The following JAGN1 variants were observed in gnomAD, a reference collection of about 807,000 sequenced individuals.
The protein encoded by JAGN1 is protein jagunal homolog 1.
In JAGN1, 13 loss-of-function variants were observed where a neutral mutation model predicts 17.1. The observed-to-expected ratio is 0.76, with a 90% confidence interval of 0.49 to 1.21. The LOEUF is 1.21. Among genes scored for constraint, JAGN1 ranks in the 50% most tolerant of loss-of-function variants. JAGN1 has a pLI of 0.00. For missense variants in JAGN1, 256 were observed against 234.2 expected, an observed-to-expected ratio of 1.09 and a Z score of -0.61; for synonymous variants, 111 against 91.0, an observed-to-expected ratio of 1.22 and a Z score of -1.25.
At chr3:9,890,910 GCCAGC>G in intron 1 of JAGN1, 99 bp downstream of exon 1, 1 of 1,030,940 alleles carries the variant, frequency 9.7e-7, no homozygotes, top group Non-Finnish European at 1.4e-6. Context: ...TTGCTCCCCA[GCCAGC>G]CCCCGCTCAC....
chr3:9,892,345 T>TG (rs1375374161), intron 1 of JAGN1, among the ~76,000 whole-genome samples: 3 of 145,664 alleles, frequency 2.1e-5, no homozygotes, highest in Non-Finnish European at 3.0e-5. Flanking sequence ...ATTGTTGTTG[T>TG]TTTTTTTTTT....
chr3:9,891,679 A>G (rs1259056146), intron 1 of JAGN1, among the ~76,000 whole-genome samples: 4 of 152,168 alleles, frequency 2.6e-5, no homozygotes, highest in East Asian at 1.9e-4. Context: ...GTTTTAAAGA[A>G]TGACAAGCTC....
chr3:9,893,646 C>G lies in JAGN1; in HGVS notation c.*269C>G. ...GAGGTTTTTCTTTAAGAATGAGCTT[C>G]GTCCTTGCCTCTACTCGGTCATTCT... On this transcript the variant is annotated 3_prime_UTR_variant, in exon 2 of 2. Transcript: ENST00000647897. 6 of 437,970 alleles carry G rather than the reference C, an allele frequency of 1.4e-5. No individual in the cohort carries two copies. The highest frequency in any genetic ancestry group is 4.1e-5 in the Admixed American group (1 of 24,266). The allele number at this position is 437,970 out of a possible 1,614,324, so 27.1% of individuals were successfully genotyped here.
Position 9,893,000 on chromosome 3 carries a change from C to T in JAGN1, c.175C>T (p.His59Tyr). 1 of 1,614,178 alleles carries T rather than the reference C, an allele frequency of 6.2e-7. No homozygotes were observed. The highest frequency in any genetic ancestry group is 8.5e-7 in the Non-Finnish European group (1 of 1,180,006). Reference protein sequence around the residue: ...LLLVAKMSVGHLRLLSHDQVA... With the variant: ...LLLVAKMSVGYLRLLSHDQVA... ...GCTGGTTGCTAAGATGAGCGTGGGA[C>T]ACCTGAGGCTCTTGTCACATGATCA... Residue 59 changes from histidine (H) to tyrosine (Y), a missense_variant, in exon 2 of 2, where the codon CAC (histidine) becomes TAC (tyrosine). Coordinates refer to ENST00000647897, the MANE Select transcript of JAGN1 (RefSeq NM_032492.4).
At chr3:9,891,157 A>T (rs1361203853) in intron 1 of JAGN1, among the ~76,000 whole-genome samples, 1 of 152,222 alleles carries the variant, frequency 6.6e-6, no homozygotes, top group Non-Finnish European at 1.5e-5. Context: ...GTAGAGGGAG[A>T]GAATAATCTG....
At position 9,890,663 on chromosome 3, in the gene JAGN1, T is replaced by C. The variant is rs2082555412; in HGVS notation, c.-60T>C. ...GCGCAAATAGGGTCAGTGGGCCGCT[T>C]GGCGGTGTCGTTGCGGTACCAGGTC... is the stretch of plus-strand genomic sequence containing the variant. On this transcript the variant is annotated 5_prime_UTR_variant, in exon 1 of 2. Coordinates refer to ENST00000647897, the MANE Select transcript of JAGN1 (RefSeq NM_032492.4). 6.6e-7 allele frequency: 1 copy of C among 1,510,288 alleles called. No homozygotes were observed. The allele number at this position is 1,510,288 out of a possible 1,614,324, so 93.6% of individuals were successfully genotyped here. A position where few individuals can be genotyped will look rare whatever the true frequency, so the allele number is the denominator to read the frequency against.
Position 9,894,055 on chromosome 3 carries a change from T to G in JAGN1, c.*678T>G, listed in dbSNP as rs1354562664. 6.6e-6 allele frequency: 1 copy of G among 152,300 alleles called. No homozygotes were observed. The highest frequency in any genetic ancestry group is 1.5e-5 in the Non-Finnish European group (1 of 68,130). 9.4% of individuals were successfully genotyped at this position (152,300 alleles called of 1,614,324 possible). ...AACTATGGGCCAGACATTTAATCTC[T>G]CCATCTATGAAATAGTCCATTCTCA... On this transcript the variant is annotated 3_prime_UTR_variant, in exon 2 of 2. Transcript: ENST00000647897.
Position 9,893,002 on chromosome 3 carries a change from C to T in JAGN1, c.177C>T (p.His59=). Residue 59 remains histidine (H), a synonymous_variant, in exon 2 of 2, where the codon CAC becomes CAT. Coordinates refer to ENST00000647897, the MANE Select transcript of JAGN1 (RefSeq NM_032492.4). ...TGGTTGCTAAGATGAGCGTGGGACACCTGAGGCTCTTGTCACATGATCAGG... is the reference window on the plus strand; with the variant it reads ...TGGTTGCTAAGATGAGCGTGGGACATCTGAGGCTCTTGTCACATGATCAGG... ...LLLVAKMSVG[H]LRLLSHDQVA... is the part of the protein sequence containing the mutation. The T allele has an allele frequency of 6.2e-7, 1 of 1,614,146 alleles. No individual in the cohort carries two copies. The highest frequency in any genetic ancestry group is 8.5e-7 in the Non-Finnish European group (1 of 1,180,016).
chr3:9,890,952 G>A, intron 1 of JAGN1, 141 bp downstream of exon 1: 1 of 714,612 alleles, frequency 1.4e-6, no homozygotes, highest in Non-Finnish European at 2.3e-6. Context: ...TCCCGTGACG[G>A]CTTCGGGCCT....
intron 1 of JAGN1, 88 bp downstream of exon 1, chr3:9,890,899 C>A: frequency 8.5e-7 from 1 of 1,171,330 alleles, no homozygotes; most frequent in Non-Finnish European, 1.2e-6. Flanking sequence ...GCCTCAGGGT[C>A]TTGCTCCCCA....
intron 1 of JAGN1, among the ~76,000 whole-genome samples, chr3:9,891,162 A>T (rs530846958): frequency 6.6e-6 from 1 of 152,338 alleles, no homozygotes; most frequent in African/African-American, 2.4e-5. Flanking sequence ...GGGAGAGAAT[A>T]ATCTGCCTTT....
Position 9,893,084 on chromosome 3 carries a change from T to G in JAGN1, c.259T>G (p.Leu87Val). ...PYLLSILPSL[L>V]GLLSFPRNNI... is the part of the protein sequence containing the mutation. ...TTTGCTGAGCATTTTGCCCTCTCTCTTGGGCCTTCTCTCCTTTCCCCGCAA... is the reference window on the plus strand; with the variant it reads ...TTTGCTGAGCATTTTGCCCTCTCTCGTGGGCCTTCTCTCCTTTCCCCGCAA... The change falls in exon 2 of 2, where the codon TTG (leucine) becomes GTG (valine). Residue 87 changes from leucine (L) to valine (V), a missense_variant. Physicochemically the swap from Leu to Val is conservative, Grantham distance 32 (BLOSUM62 1). Coordinates refer to ENST00000647897, the MANE Select transcript of JAGN1 (RefSeq NM_032492.4). The G allele has an allele frequency of 6.2e-7, 1 of 1,614,206 alleles. No homozygotes were observed. Among genetic ancestry groups the G allele is most frequent in the Non-Finnish European group, 8.5e-7 (1 of 1,180,020 alleles).
chr3:9,890,669 T>C lies in JAGN1; in HGVS notation c.-54T>C. On this transcript the variant is annotated 5_prime_UTR_variant, in exon 1 of 2. Coordinates refer to ENST00000647897, the MANE Select transcript of JAGN1 (RefSeq NM_032492.4). ...ATAGGGTCAGTGGGCCGCTTGGCGG[T>C]GTCGTTGCGGTACCAGGTCCGCGTG... The C allele has an allele frequency of 1.3e-6, 2 of 1,523,072 alleles. No homozygotes were observed. Among genetic ancestry groups the C allele is most frequent in the Non-Finnish European group, 1.8e-6 (2 of 1,118,080 alleles). 94.3% of individuals were successfully genotyped at this position (1,523,072 alleles called of 1,614,324 possible). A position where few individuals can be genotyped will look rare whatever the true frequency, so the allele number is the denominator to read the frequency against.
Position 9,893,262 on chromosome 3 carries a change from C to G in JAGN1, c.437C>G (p.Ser146Cys). The change falls in exon 2 of 2, where the codon TCC (serine) becomes TGC (cysteine). Residue 146 changes from serine (S) to cysteine (C), a missense_variant. Ser to Cys is a moderately radical substitution (Grantham distance 112). Transcript: ENST00000647897. The stretch of plus-strand genomic sequence containing the variant: ...TTCCTCTTTGGTTTTTCTGCCGTTT[C>G]CATCATGTACCTGGTGTTGGTGTTG... ...YRFLFGFSAV[S>C]IMYLVLVLAV... 6.2e-7 allele frequency: 1 copy of G among 1,614,186 alleles called. No individual in the cohort carries two copies. The highest frequency in any genetic ancestry group is 8.5e-7 in the Non-Finnish European group (1 of 1,180,036).
At chr3:9,892,458 A>AGCCACCAT (rs71052273) in intron 1 of JAGN1, among the ~76,000 whole-genome samples, 104,463 of 150,998 alleles carry the variant, frequency 0.69, 36,115 homozygotes, top group Middle Eastern at 0.73. Context: ...TAGAGTTGTG[A>AGCCACCAT]GCCCAGCCTC....
Position 9,893,592 on chromosome 3 carries a change from C to G in JAGN1, c.*215C>G. Reference sequence around the variant, plus strand: ...AACTGGGTGACCAACAGCTATGAAACAAATTTCAGCTGTTTGAAGTTGAAC... The same window carrying G: ...AACTGGGTGACCAACAGCTATGAAAGAAATTTCAGCTGTTTGAAGTTGAAC... On this transcript the variant is annotated 3_prime_UTR_variant, in exon 2 of 2. Transcript: ENST00000647897. 1 of 539,186 alleles carries G rather than the reference C, an allele frequency of 1.9e-6. No individual in the cohort carries two copies. The highest frequency in any genetic ancestry group is 3.3e-6 in the Non-Finnish European group (1 of 306,392). The allele number at this position is 539,186 out of a possible 1,614,324, so 33.4% of individuals were successfully genotyped here.
At chr3:9,892,516 C>G (rs990304283) in intron 1 of JAGN1, among the ~76,000 whole-genome samples, 1 of 152,064 alleles carries the variant, frequency 6.6e-6, no homozygotes, top group Admixed American at 6.6e-5. Context: ...CCCACTACCC[C>G]TCTCCCCCTA....
chr3:9,891,971 T>G (rs946133828), intron 1 of JAGN1, among the ~76,000 whole-genome samples: 1 of 152,198 alleles, frequency 6.6e-6, no homozygotes, highest in African/African-American at 2.4e-5. Context: ...GTCCTCTTGC[T>G]AAACACAGCT....
rs910733135 is a variant in JAGN1 at position 9,890,685 on chromosome 3, G to C, written c.-38G>C. On this transcript the variant is annotated 5_prime_UTR_variant, in exon 1 of 2. Coordinates refer to ENST00000647897, the MANE Select transcript of JAGN1 (RefSeq NM_032492.4). Reference sequence around the variant, plus strand: ...GCTTGGCGGTGTCGTTGCGGTACCAGGTCCGCGTGAGGGGTTCGGGGGTTC... The same window carrying C: ...GCTTGGCGGTGTCGTTGCGGTACCACGTCCGCGTGAGGGGTTCGGGGGTTC... 1.6e-5 allele frequency: 25 copies of C among 1,576,326 alleles called. No individual in the cohort carries two copies. The highest frequency in any genetic ancestry group is 2.0e-5 in the Non-Finnish European group (23 of 1,158,940).
Sources: gnomAD v4.1 joint callset for allele counts (sites outside exome capture counted in the v4.1 genomes callset) on GRCh38, gnomAD v4.1.1 for gene constraint, MANE v1.5 for transcripts, NCBI Gene and HGNC (gene_info 2026-07-23, HGNC 2026-07-21) for gene names.